The following EDRF1 variants were observed in gnomAD, a reference collection of about 807,000 sequenced individuals.
EDRF1 encodes erythroid differentiation regulatory factor 1, also known as erythroid differentiation-related factor 1.
EDRF1 carries 69 observed loss-of-function variants against 148.7 expected under a neutral mutation model. That is an observed-to-expected ratio of 0.46 (90% CI 0.38 to 0.57). EDRF1 has a LOEUF of 0.57. Ranked by LOEUF, EDRF1 falls within the 20% of genes least tolerant of loss-of-function variation. The pLI, the probability that EDRF1 is intolerant of heterozygous loss-of-function variation, is 0.00. For synonymous variants in EDRF1, 515 were observed against 532.8 expected (o/e 0.97, Z 0.46); for missense variants, 1,118 against 1,478.7 (o/e 0.76, Z 4.00).
chr10:125,729,306 G>A, intron 7 of EDRF1, 52 bp from the exon 8 acceptor site: 1 of 1,602,142 alleles, frequency 6.2e-7, no homozygotes, highest in Non-Finnish European at 8.5e-7. Context: ...GGATCATGGG[G>A]GGAAATTACA....
At chr10:125,741,619 TA>T (rs1564743295) in intron 17 of EDRF1, 2 of 219,974 alleles carry the variant, frequency 9.1e-6, no homozygotes, top group African/African-American at 4.7e-5. Context: ...AAGTATTTTA[TA>T]ATTACTGTTT....
chr10:125,719,835 G>A lies in EDRF1; in HGVS notation c.28G>A (p.Glu10Lys), dbSNP rs1265286820. Residue 10 changes from glutamate (E) to lysine (K), a missense_variant, in exon 1 of 25, where the codon GAG (glutamate) becomes AAG (lysine). By Grantham distance (56) the Glu-to-Lys change is moderately conservative. This residue lies in a region of EDRF1 where 65 missense variants were observed against 50.3 expected (regional missense o/e 1.29). Coordinates refer to ENST00000356792, the MANE Select transcript of EDRF1 (RefSeq NM_001202438.2). ...GGGGGATGCCAAGGAGGCCGGAGCCGAGGGTCCGCCGGCCGGGGCCGCCGC... is the reference window on the plus strand; with the variant it reads ...GGGGGATGCCAAGGAGGCCGGAGCCAAGGGTCCGCCGGCCGGGGCCGCCGC... Reference protein sequence around the residue: MGDAKEAGAEGPPAGAAARG... With the variant: MGDAKEAGAKGPPAGAAARG... The A allele has an allele frequency of 1.2e-6, 2 of 1,612,004 alleles. No homozygotes were observed. Among genetic ancestry groups the A allele is most frequent in the South Asian group, 1.1e-5 (1 of 90,966 alleles).
chr10:125,728,044 A>C (rs1037033605), intron 6 of EDRF1, among the ~76,000 whole-genome samples: 1 of 151,408 alleles, frequency 6.6e-6, no homozygotes, highest in East Asian at 1.9e-4. Context: ...TTAAAAAAAG[A>C]AAAAAAAATT....
At chr10:125,760,313 A>G (rs1164264648) in intron 24 of EDRF1, among the ~76,000 whole-genome samples, 1 of 152,226 alleles carries the variant, frequency 6.6e-6, no homozygotes, top group African/African-American at 2.4e-5. Context: ...GGTAATAGGT[A>G]ATAGTTTCAG....
intron 8 of EDRF1, among the ~76,000 whole-genome samples, chr10:125,730,059 T>G (rs2133686928): frequency 6.6e-6 from 1 of 152,318 alleles, no homozygotes; most frequent in African/African-American, 2.4e-5. Context: ...CTATTCTTAC[T>G]GAAAACTTAC....
At chr10:125,734,621 C>A (rs2133699252) in intron 12 of EDRF1, among the ~76,000 whole-genome samples, 1 of 152,138 alleles carries the variant, frequency 6.6e-6, no homozygotes, top group African/African-American at 2.4e-5. Context: ...CGCTATTAGA[C>A]CTTGTTACCA....
intron 22 of EDRF1, among the ~76,000 whole-genome samples, chr10:125,750,664 G>A (rs1464343516): frequency 1.3e-5 from 2 of 152,250 alleles, no homozygotes; most frequent in South Asian, 2.1e-4. Context: ...AACCTGGAAG[G>A]CCAAGAGGAG....
intron 24 of EDRF1, among the ~76,000 whole-genome samples, chr10:125,754,388 C>T (rs1849791353): frequency 6.6e-6 from 1 of 152,214 alleles, no homozygotes; most frequent in Non-Finnish European, 1.5e-5. Context: ...ATCTTGCTGC[C>T]TAAGGGCAAA....
rs936009940 is a variant in EDRF1 at position 125,741,388 on chromosome 10, G to A, written c.2371+187G>A. The A allele has an allele frequency of 1.8e-5, 12 of 670,040 alleles. No individual in the cohort carries two copies. In the East Asian group the frequency reaches 2.2e-4, roughly 13 times the overall value. The allele number at this position is 670,040 out of a possible 1,614,324, so 41.5% of individuals were successfully genotyped here. On this transcript the variant is annotated intron_variant, in intron 17 of 24. Coordinates refer to ENST00000356792, the MANE Select transcript of EDRF1 (RefSeq NM_001202438.2). The stretch of plus-strand genomic sequence containing the variant: ...GCTGGAGTGCAATGGTGCAATCTTG[G>A]CTCACTGAAACCTCCGCCTCCCGGG...
Position 125,741,144 on chromosome 10 carries a change from C to A in EDRF1, c.2314C>A (p.Gln772Lys). The part of the protein sequence containing the change: ...RAAHLEEFHY[Q>K]TKEDQEILHS... ...AGCACACCTTGAAGAGTTTCATTAC[C>A]AAACAAAAGAAGACCAGGAGATCCT... Residue 772 changes from glutamine (Q) to lysine (K), a missense_variant, in exon 17 of 25, where the codon CAA becomes AAA. Transcript: ENST00000356792. The A allele has an allele frequency of 6.2e-7, 1 of 1,614,092 alleles. No homozygotes were observed. Among genetic ancestry groups the A allele is most frequent in the Non-Finnish European group, 8.5e-7 (1 of 1,180,016 alleles).
At chr10:125,761,397 T>C (rs1264829503) in intron 24 of EDRF1, 2 of 203,554 alleles carry the variant, frequency 9.8e-6, no homozygotes, top group Non-Finnish European at 2.0e-5. Flanking sequence ...TCCAGGCCTC[T>C]TAACATTTTG....
At chr10:125,726,176 T>G (rs1004974056) in intron 6 of EDRF1, among the ~76,000 whole-genome samples, 1 of 152,074 alleles carries the variant, frequency 6.6e-6, no homozygotes, top group South Asian at 2.1e-4. Flanking sequence ...TACTAGTCAT[T>G]TTTAACTATA....
chr10:125,740,699 A>G (rs1225607401), intron 16 of EDRF1, 48 bp downstream of exon 16: 2 of 1,568,274 alleles, frequency 1.3e-6, no homozygotes, highest in Non-Finnish European at 1.7e-6. Context: ...GGAAGAGAGA[A>G]CAGAGAAGGC....
intron 24 of EDRF1, among the ~76,000 whole-genome samples, chr10:125,760,001 C>T (rs117806588): frequency 0.015 from 2,303 of 152,340 alleles, 28 homozygotes; most frequent in Non-Finnish European, 0.023. Context: ...TGAGCCACCG[C>T]GCCTGGCCTT....
intron 18 of EDRF1, among the ~76,000 whole-genome samples, chr10:125,744,020 A>G (rs1395599408): frequency 1.3e-5 from 2 of 152,140 alleles, no homozygotes; most frequent in African/African-American, 4.8e-5. Context: ...ATTTGTAGTC[A>G]ATTTGAAGTG....
rs755768772 is a variant in EDRF1, at chr10:125,745,886, C to A, written c.2770C>A (p.Leu924Met). The change falls in exon 19 of 25, where the codon CTG (leucine) becomes ATG (methionine). Residue 924 changes from leucine to methionine, a missense_variant. Leu to Met is a conservative substitution (Grantham distance 15). Coordinates refer to ENST00000356792, the MANE Select transcript of EDRF1 (RefSeq NM_001202438.2). ...AQAHCGAGDE[L>M]KREFSPEEGL... Reference sequence around the variant, plus strand: ...GGCCCACTGTGGTGCAGGGGATGAACTGAAACGTGAATTTTCACCAGAAGA... The same window carrying A: ...GGCCCACTGTGGTGCAGGGGATGAAATGAAACGTGAATTTTCACCAGAAGA... The A allele has an allele frequency of 6.2e-7, 1 of 1,614,218 alleles. No individual in the cohort carries two copies. Among genetic ancestry groups the A allele is most frequent in the Non-Finnish European group, 8.5e-7 (1 of 1,180,044 alleles).
intron 18 of EDRF1, among the ~76,000 whole-genome samples, chr10:125,744,398 G>A (rs1849225124): frequency 6.6e-6 from 1 of 152,118 alleles, no homozygotes; most frequent in Admixed American, 6.5e-5. Context: ...TGCCCAGGCT[G>A]GTCTCGGACT....
At chr10:125,750,896 A>T (rs931136360) in intron 22 of EDRF1, among the ~76,000 whole-genome samples, 2 of 152,288 alleles carry the variant, frequency 1.3e-5, no homozygotes, top group Non-Finnish European at 2.9e-5. Context: ...ATATTCTGCC[A>T]TGTTTGAATT....
intron 4 of EDRF1, among the ~76,000 whole-genome samples, chr10:125,724,945 A>G (rs966902152): frequency 6.6e-6 from 1 of 152,232 alleles, no homozygotes; most frequent in Non-Finnish European, 1.5e-5. Flanking sequence ...GTATGAGCCT[A>G]GGCACGGGGA....
Sources: allele counts gnomAD v4.1 joint callset (sites outside exome capture counted in the v4.1 genomes callset), GRCh38; gene constraint gnomAD v4.1.1; regional missense constraint gnomAD v4.1.1; transcripts MANE v1.5; gene names NCBI Gene and HGNC (gene_info 2026-07-23, HGNC 2026-07-21).